PRDM11: variants seen among roughly 807,000 people sequenced by gnomAD.
The protein encoded by PRDM11 is PR domain-containing protein 11.
PRDM11 carries 20 observed loss-of-function variants against 97.8 expected under a neutral mutation model. That is an observed-to-expected ratio of 0.20 (90% CI 0.14 to 0.30). The LOEUF is 0.30. Among genes scored for constraint, PRDM11 ranks in the 10% least tolerant of loss-of-function variants. PRDM11 has a pLI of 1.00. For missense variants in PRDM11, 1,139 were observed against 1,555.2 expected (o/e 0.73, Z 4.50); for synonymous variants, 599 against 637.7 (o/e 0.94, Z 0.91).
At chr11:45,135,357 G>A (rs900524695) in intron 1 of PRDM11, among the ~76,000 whole-genome samples, 1 of 152,116 alleles carries the variant, frequency 6.6e-6, no homozygotes. Context: ...TTAAAAGGAA[G>A]GCACAAAGTA....
intron 1 of PRDM11, among the ~76,000 whole-genome samples, chr11:45,130,251 C>CAT (rs1330347589): frequency 1.3e-5 from 2 of 152,012 alleles, no homozygotes; most frequent in Admixed American, 1.3e-4. Flanking sequence ...AGCCATTACC[C>CAT]ATAAAATAGG....
intron 4 of PRDM11, among the ~76,000 whole-genome samples, chr11:45,202,772 C>T (rs1484846995): frequency 1.3e-5 from 2 of 152,154 alleles, no homozygotes; most frequent in African/African-American, 2.4e-5. Context: ...AAATATAACT[C>T]GTGTTAATTT....
chr11:45,189,424 G>T (rs547196750), intron 4 of PRDM11, among the ~76,000 whole-genome samples: 6 of 152,154 alleles, frequency 3.9e-5, no homozygotes, highest in African/African-American at 1.4e-4. Flanking sequence ...AGCTATACAG[G>T]CTCCAAATCT....
intron 1 of PRDM11, among the ~76,000 whole-genome samples, chr11:45,149,582 C>T (rs1851610569): frequency 6.6e-6 from 1 of 152,204 alleles, no homozygotes; most frequent in Non-Finnish European, 1.5e-5. Flanking sequence ...GGGTGGGGGC[C>T]CCATGACTGG....
In PRDM11 at chr11:45,226,253, C is replaced by T; in HGVS notation, c.1628C>T (p.Ser543Leu). 2 of 1,533,996 alleles carry T rather than the reference C, an allele frequency of 1.3e-6. No individual in the cohort carries two copies. The highest frequency in any genetic ancestry group is 1.7e-6 in the Non-Finnish European group (2 of 1,146,742). Residue 543 changes from serine (S) to leucine (L), a missense_variant, in exon 8 of 8, where the codon TCG becomes TTG. Around this residue, in one of 2 missense-constraint regions of PRDM11, gnomAD observed 710 missense variants for 1,044.9 expected, o/e 0.68. Transcript: ENST00000683152. The part of the protein sequence containing the change: ...RQYTVQSSRT[S>L]AFIIGSKQFK... ...TACACGGTGCAGTCCTCACGCACCT[C>T]GGCCTTCATCATTGGCTCCAAGCAG...
chr11:45,217,911 G>A (rs1265594793), intron 5 of PRDM11, among the ~76,000 whole-genome samples: 1 of 152,218 alleles, frequency 6.6e-6, no homozygotes, highest in Non-Finnish European at 1.5e-5. Context: ...TTACAAAGAT[G>A]ATCCACCTGT....
intron 1 of PRDM11, among the ~76,000 whole-genome samples, chr11:45,098,995 A>C (rs531342717): frequency 6.6e-6 from 1 of 152,248 alleles, no homozygotes; most frequent in African/African-American, 2.4e-5. Context: ...AAAATGGCTG[A>C]TAGTGTATTG....
rs555413014 is a variant in PRDM11 at position 45,231,344 on chromosome 11, G to A, written c.*3185G>A. 1.3e-5 allele frequency: 2 copies of A among 152,202 alleles called. No individual in the cohort carries two copies. The highest frequency in any genetic ancestry group is 3.9e-4 in the East Asian group (2 of 5,162). 9.4% of individuals were successfully genotyped at this position (152,202 alleles called of 1,614,324 possible). On this transcript the variant is annotated 3_prime_UTR_variant, in exon 8 of 8. Transcript: ENST00000683152. ...AGGACTTGGACTGATGGGACACTCA[G>A]GGTCTAGCCCAGGGAGCATATGCTT...
intron 4 of PRDM11, among the ~76,000 whole-genome samples, chr11:45,183,973 T>C (rs77186412): frequency 6.6e-6 from 1 of 152,206 alleles, no homozygotes; most frequent in East Asian, 1.9e-4. Context: ...GACAAATCCA[T>C]GTCAAATAAT....
chr11:45,167,950 G>A (rs75824014), intron 1 of PRDM11, among the ~76,000 whole-genome samples: 4,531 of 152,206 alleles, frequency 0.03, 234 homozygotes, highest in African/African-American at 0.1. Context: ...TTCGATGTGC[G>A]TACAAATCAC....
intron 4 of PRDM11, among the ~76,000 whole-genome samples, chr11:45,203,220 G>C (rs761173422): frequency 2.0e-5 from 3 of 152,098 alleles, no homozygotes; most frequent in Non-Finnish European, 4.4e-5. Context: ...GTCTTCAGGG[G>C]ACCAACCCTG....
At chr11:45,173,230 G>A (rs758277665) in intron 1 of PRDM11, among the ~76,000 whole-genome samples, 9 of 152,138 alleles carry the variant, frequency 5.9e-5, no homozygotes, top group Non-Finnish European at 1.2e-4. Flanking sequence ...TATAAGGGAG[G>A]TGTGGCACCT....
upstream of PRDM11, among the ~76,000 whole-genome samples, chr11:45,143,059 A>G (rs567384327): frequency 1.2e-4 from 18 of 152,296 alleles, no homozygotes; most frequent in Admixed American, 9.8e-4. Context: ...GGGAAGGCTG[A>G]TCAGTTACGG....
At chr11:45,180,705 CGGGCCGGGCA>C (rs2135732789) in intron 1 of PRDM11, among the ~76,000 whole-genome samples, 1 of 149,814 alleles carries the variant, frequency 6.7e-6, no homozygotes, top group Non-Finnish European at 1.5e-5. Context: ...CCGGGCGGGC[CGGGCCGGGCA>C]GGGAGCTCCC....
At chr11:45,199,173 C>T (rs1477028526) in intron 4 of PRDM11, among the ~76,000 whole-genome samples, 2 of 152,172 alleles carry the variant, frequency 1.3e-5, no homozygotes, top group Non-Finnish European at 2.9e-5. Flanking sequence ...TTTTTATGAG[C>T]ATCTCTCAGT....
Position 45,219,845 on chromosome 11 carries a change from C to G in PRDM11, c.742+88C>G. On this transcript the variant is annotated intron_variant, in intron 6 of 7. Coordinates refer to ENST00000683152, the MANE Select transcript of PRDM11 (RefSeq NM_001384648.1). This position sits in a 1 kb window ranked among gnomAD's most constrained non-coding sequence, Gnocchi z 4.2. ...TTGTTTTGGAGCTTCCTGAGAAATA[C>G]GGTTCCCAGCAATGGGAAGACCCAG... 1 of 1,404,286 alleles carries G rather than the reference C, an allele frequency of 7.1e-7. No individual in the cohort carries two copies. The highest frequency in any genetic ancestry group is 2.5e-5 in the East Asian group (1 of 39,976). 87.0% of individuals were successfully genotyped at this position (1,404,286 alleles called of 1,614,324 possible).
upstream of PRDM11, among the ~76,000 whole-genome samples, chr11:45,095,168 C>A (rs1029839458): frequency 2.0e-5 from 3 of 152,182 alleles, no homozygotes; most frequent in Non-Finnish European, 4.4e-5. Context: ...TCACTGGCTG[C>A]CTCCCCCAAA....
At chr11:45,132,540 A>G (rs1251467158) in intron 1 of PRDM11, among the ~76,000 whole-genome samples, 1 of 152,260 alleles carries the variant, frequency 6.6e-6, no homozygotes, top group African/African-American at 2.4e-5. Context: ...CAGATCATTA[A>G]GCACATCCCC....
chr11:45,164,002 A>C (rs1471799055), intron 1 of PRDM11, among the ~76,000 whole-genome samples: 1 of 152,092 alleles, frequency 6.6e-6, no homozygotes, highest in Non-Finnish European at 1.5e-5. Flanking sequence ...CAGCTCACGG[A>C]GCTCATGAGA....
Sources: allele counts gnomAD v4.1 joint callset (sites outside exome capture counted in the v4.1 genomes callset), GRCh38; gene constraint gnomAD v4.1.1; regional missense constraint gnomAD v4.1.1; non-coding constraint Gnocchi (gnomAD v3.1); transcripts MANE v1.5; gene names NCBI Gene and HGNC (gene_info 2026-07-23, HGNC 2026-07-21).